EBF3: variants seen among roughly 807,000 people sequenced by gnomAD.
The protein encoded by EBF3 is EBF transcription factor 3.
EBF3 carries 18 observed loss-of-function variants against 77.1 expected under a neutral mutation model. That is an observed-to-expected ratio of 0.23 (90% CI 0.16 to 0.35). The LOEUF is 0.35. EBF3 is among the 10% of genes least tolerant of loss of function. EBF3 has a pLI of 1.00. For synonymous variants in EBF3, 350 were observed against 343.5 expected (o/e 1.02, Z -0.21); for missense variants, 558 against 860.0 (o/e 0.65, Z 4.39).
chr10:129,952,119 C>T lies in EBF3; in HGVS notation c.554+5139G>A, dbSNP rs569074785. 1.1e-4 allele frequency among the ~76,000 whole-genome samples: 17 copies of T among 152,282 alleles called. No individual in the cohort carries two copies. The South Asian group carries it at 3.5e-3, about 32-fold the overall frequency. ...CAATACTTTCCCTTCACTGAAGGCC[C>T]AATGTATTAAAACAGACCCTGAACC... On this transcript the variant is annotated intron_variant, in intron 6 of 16. Coordinates refer to ENST00000440978, the MANE Select transcript of EBF3 (RefSeq NM_001375380.1). The surrounding 1 kb of genome is among the most constrained non-coding windows in gnomAD (Gnocchi z 4.7).
chr10:129,917,651 CAAAAAAA>C lies in EBF3; in HGVS notation c.554+39600_554+39606del, dbSNP rs71481019. Among the ~76,000 whole-genome samples the C allele has an allele frequency of 7.6e-4, 18 of 23,600 alleles. 1 individual carries two copies. Among genetic ancestry groups the C allele is most frequent in the South Asian group, 3.8e-3 (1 of 266 alleles). 15.5% of individuals were successfully genotyped at this position (23,600 alleles called of 152,430 possible). ...TGGGCACCACAGCAAGACCCTGCCT[CAAAAAAA>C]AAAAAAAAAAAAAAAAAAAAACTAA... On this transcript the variant is annotated intron_variant, in intron 6 of 16. Coordinates refer to ENST00000440978, the MANE Select transcript of EBF3 (RefSeq NM_001375380.1).
chr10:129,883,579 G>A (rs968595111), intron 6 of EBF3, among the ~76,000 whole-genome samples: 1 of 152,202 alleles, frequency 6.6e-6, no homozygotes, highest in African/African-American at 2.4e-5. Flanking sequence ...AATCATGGAG[G>A]TGACAGCTTC....
At chr10:129,930,465 A>G (rs769890661) in intron 6 of EBF3, among the ~76,000 whole-genome samples, 23 of 149,140 alleles carry the variant, frequency 1.5e-4, no homozygotes, top group Non-Finnish European at 2.5e-4. Context: ...GTCTATGTCT[A>G]TCTCTATATT....
intron 6 of EBF3, among the ~76,000 whole-genome samples, chr10:129,925,765 C>T (rs1256463247): frequency 6.6e-6 from 1 of 151,900 alleles, no homozygotes; most frequent in African/African-American, 2.4e-5. Flanking sequence ...AAACAAAAAA[C>T]ATGTTCCAAT....
At chr10:129,876,885 A>ACCCCCCCCCCCCCC (rs10573399) in intron 7 of EBF3, among the ~76,000 whole-genome samples, 686 of 42,416 alleles carry the variant, frequency 0.016, 34 homozygotes, top group Non-Finnish European at 0.021. Context: ...TCATCCCTGA[A>ACCCCCCCCCCCCCC]CCCCCCCCCC....
chr10:129,840,143 A>G (rs2133940455), intron 15 of EBF3, 102 bp downstream of exon 15: 1 of 1,404,386 alleles, frequency 7.1e-7, no homozygotes, highest in Non-Finnish European at 9.5e-7. Flanking sequence ...AACATGCAGC[A>G]GTCACAGAGG....
Position 129,920,164 on chromosome 10 carries a change from CA to C in EBF3, c.554+37093del, listed in dbSNP as rs1856183063. Among the ~76,000 whole-genome samples, 5 of 33,490 alleles carry C rather than the reference CA, an allele frequency of 1.5e-4. 2 individuals carry two copies. The highest frequency in any genetic ancestry group is 3.1e-4 in the Non-Finnish European group (5 of 15,950). The allele number at this position is 33,490 out of a possible 152,430, so 22.0% of individuals were successfully genotyped here. ...AGGGCCACAAACCCGCCCCGCTGTG[CA>C]GTCTAGGGCGAGTATCTCCAGGAGG... On this transcript the variant is annotated intron_variant, in intron 6 of 16. Transcript: ENST00000440978.
chr10:129,915,077 T>C (rs549444353), intron 6 of EBF3, among the ~76,000 whole-genome samples: 94 of 152,098 alleles, frequency 6.2e-4, no homozygotes, highest in African/African-American at 2.1e-3. Flanking sequence ...TGTGAAGAGG[T>C]CAAGGATGCC....
chr10:129,840,755 A>G, intron 14 of EBF3, 89 bp downstream of exon 14: 1 of 1,502,274 alleles, frequency 6.7e-7, no homozygotes, highest in Non-Finnish European at 9.0e-7. Context: ...CCAGTAGCTC[A>G]CATCACAGAA....
intron 6 of EBF3, among the ~76,000 whole-genome samples, chr10:129,899,009 C>A (rs903909706): frequency 1.1e-4 from 16 of 152,176 alleles, no homozygotes; most frequent in African/African-American, 3.6e-4. Flanking sequence ...CACACGGCTA[C>A]ACGTCGGAGC....
chr10:129,878,661 CAA>C (rs538628576), intron 6 of EBF3, among the ~76,000 whole-genome samples: 58 of 34,840 alleles, frequency 1.7e-3, no homozygotes, highest in African/African-American at 6.8e-3. Context: ...GGCTCTGTCT[CAA>C]AAAAAAAAAA....
chr10:129,943,517 C>A lies in EBF3; in HGVS notation c.554+13741G>T, dbSNP rs1017902018. Among the ~76,000 whole-genome samples, 1 of 152,154 alleles carries A rather than the reference C, an allele frequency of 6.6e-6. No individual in the cohort carries two copies. The highest frequency in any genetic ancestry group is 2.4e-5 in the African/African-American group (1 of 41,436). On this transcript the variant is annotated intron_variant, in intron 6 of 16. Transcript: ENST00000440978. This position sits in a 1 kb window ranked among gnomAD's most constrained non-coding sequence, Gnocchi z 8.8. ...CTGGAGGTTAGAGATTGGATAATTT[C>A]TTTCAGCTGGACCTGGCCTCCAGCG...
Position 129,878,953 on chromosome 10 carries a change from G to A in EBF3, c.555-1104C>T, listed in dbSNP as rs536989810. Among the ~76,000 whole-genome samples, 8 of 152,300 alleles carry A rather than the reference G, an allele frequency of 5.3e-5. No individual in the cohort carries two copies. The South Asian group carries it at 1.7e-3, about 32-fold the overall frequency. On this transcript the variant is annotated intron_variant, in intron 6 of 16. Coordinates refer to ENST00000440978, the MANE Select transcript of EBF3 (RefSeq NM_001375380.1). ...AGGAACAGCACTCTGCAGGGCTGGG[G>A]AGGTGAGGCCGAAGCGAGTGCTATT...
At position 129,841,580 on chromosome 10, in the gene EBF3, ACT is replaced by A. The variant is rs1242315313; in HGVS notation, c.1372+534_1372+535del. 1.3e-5 allele frequency among the ~76,000 whole-genome samples: 2 copies of A among 152,200 alleles called. No homozygotes were observed. Among genetic ancestry groups the A allele is most frequent in the Non-Finnish European group, 2.9e-5 (2 of 68,046 alleles). On this transcript the variant is annotated intron_variant, in intron 13 of 16. Transcript: ENST00000440978. This position sits in a 1 kb window ranked among gnomAD's most constrained non-coding sequence, Gnocchi z 4.6. The stretch of plus-strand genomic sequence containing the variant: ...TATGGGTGAGGTGTTTTCTAAGATC[ACT>A]GCCTGCGCGCTTTTCAATGAAGAAA...
Position 129,897,572 on chromosome 10 carries a change from T to C in EBF3, c.555-19723A>G, listed in dbSNP as rs923476293. 6.6e-6 allele frequency among the ~76,000 whole-genome samples: 1 copy of C among 151,900 alleles called. No individual in the cohort carries two copies. Among genetic ancestry groups the C allele is most frequent in the African/African-American group, 2.4e-5 (1 of 41,344 alleles). The stretch of plus-strand genomic sequence containing the variant: ...ACAGAGGAAACCCAGCACACGACCC[T>C]TTTATCCGAGAGGCGAAGCCCGGGA... On this transcript the variant is annotated intron_variant, in intron 6 of 16. Coordinates refer to ENST00000440978, the MANE Select transcript of EBF3 (RefSeq NM_001375380.1). This position sits in a 1 kb window ranked among gnomAD's most constrained non-coding sequence, Gnocchi z 4.6.
chr10:129,869,232 A>C (rs1478032886), intron 8 of EBF3, among the ~76,000 whole-genome samples: 1 of 152,204 alleles, frequency 6.6e-6, no homozygotes, highest in African/African-American at 2.4e-5. Flanking sequence ...GTTGGGGGTT[A>C]AAGATGAACC....
chr10:129,840,073 C>G (rs1033112019), intron 15 of EBF3, among the ~76,000 whole-genome samples, 172 bp downstream of exon 15: 1 of 152,240 alleles, frequency 6.6e-6, no homozygotes, highest in Non-Finnish European at 1.5e-5. Context: ...GCTCAGTGCA[C>G]AGGGGTCCTC....
intron 6 of EBF3, among the ~76,000 whole-genome samples, chr10:129,909,923 G>A (rs991079761): frequency 1.3e-5 from 2 of 152,228 alleles, no homozygotes; most frequent in South Asian, 2.1e-4. Flanking sequence ...AAATCAATAC[G>A]CCTCACAAAG....
chr10:129,899,274 A>G (rs1854615958), intron 6 of EBF3, among the ~76,000 whole-genome samples: 1 of 152,272 alleles, frequency 6.6e-6, no homozygotes, highest in Non-Finnish European at 1.5e-5. Flanking sequence ...AGCGTGGTTA[A>G]CTGCCAATGA....
Sources: gnomAD v4.1 joint callset for allele counts (sites outside exome capture counted in the v4.1 genomes callset) on GRCh38, gnomAD v4.1.1 for gene constraint, Gnocchi (gnomAD v3.1) non-coding constraint, MANE v1.5 for transcripts, NCBI Gene and HGNC (gene_info 2026-07-23, HGNC 2026-07-21) for gene names.